RPS5: variants seen among roughly 807,000 people sequenced by gnomAD.
RPS5 encodes small ribosomal subunit protein uS7.
RPS5 carries 2 observed loss-of-function variants against 20.9 expected under a neutral mutation model. The observed-to-expected ratio is 0.10, with a 90% CI of 0.04 to 0.30. RPS5 has a LOEUF of 0.30. RPS5 is among the 10% of genes least tolerant of loss of function. The pLI is 1.00. For synonymous variants in RPS5, 112 were observed against 105.8 expected (o/e 1.06, Z -0.36); for missense variants, 122 against 287.2 (o/e 0.42, Z 4.16).
chr19:58,394,466 C>A, intron 4 of RPS5, 31 bp from the exon 5 acceptor site: 1 of 1,601,170 alleles, frequency 6.2e-7, no homozygotes, highest in South Asian at 1.1e-5. Context: ...CGCAGTCTGT[C>A]CTTCTAGCCT....
intron 4 of RPS5, 175 bp from the exon 5 acceptor site, chr19:58,394,322 T>A: frequency 3.3e-6 from 2 of 611,850 alleles, no homozygotes; most frequent in Non-Finnish European, 5.9e-6. Flanking sequence ...TGTGTGTGTC[T>A]GGACACTTGC....
Position 58,392,677 on chromosome 19 carries a change from A to G in RPS5, c.109-299A>G, listed in dbSNP as rs944174765. ...ATACCAGATGGCTGTTAAACATCCT[A>G]TAGTGTGCAGGACAGCCCCCCAGAC... On this transcript the variant is annotated intron_variant, in intron 2 of 5. Transcript: ENST00000196551. 5.9e-5 allele frequency among the ~76,000 whole-genome samples: 9 copies of G among 151,804 alleles called. No individual in the cohort carries two copies. In the East Asian group the frequency reaches 1.5e-3, roughly 26 times the overall value.
chr19:58,388,538 A>C (rs559621181), intron 2 of RPS5: 70 of 492,306 alleles, frequency 1.4e-4, no homozygotes, highest in African/African-American at 8.7e-4. Context: ...ATTCTTTTGC[A>C]TGTGAATATC....
At chr19:58,390,322 A>G (rs1026186766) in intron 2 of RPS5, among the ~76,000 whole-genome samples, 2 of 148,466 alleles carry the variant, frequency 1.3e-5, no homozygotes, top group Non-Finnish European at 3.0e-5. Context: ...AGCCTCCCGA[A>G]GTGCTGGGGT....
chr19:58,391,989 C>T (rs1328033634), intron 2 of RPS5, among the ~76,000 whole-genome samples: 1 of 152,088 alleles, frequency 6.6e-6, no homozygotes, highest in Non-Finnish European at 1.5e-5. Flanking sequence ...TCTTAGAGAA[C>T]ACTTAGCAAT....
intron 4 of RPS5, chr19:58,393,815 C>CT: frequency 3.7e-6 from 1 of 270,114 alleles, no homozygotes; most frequent in Non-Finnish European, 6.9e-6. Flanking sequence ...CTGCAGGTGT[C>CT]TTTAAAAACA....
At chr19:58,388,568 C>G (rs1426351093) in intron 2 of RPS5, 3 of 422,104 alleles carry the variant, frequency 7.1e-6, no homozygotes, top group African/African-American at 2.1e-5. Context: ...AGTACCATCT[C>G]CTAAAGAGAT....
intron 2 of RPS5, among the ~76,000 whole-genome samples, chr19:58,389,659 G>A (rs749443601): frequency 4.6e-5 from 7 of 151,268 alleles, no homozygotes; most frequent in East Asian, 3.9e-4. Flanking sequence ...TTTTTGAAAC[G>A]GAGTTTCGCT....
chr19:58,393,298 A>C, intron 3 of RPS5, 61 bp from the exon 4 acceptor site: 3 of 1,608,368 alleles, frequency 1.9e-6, no homozygotes, highest in Non-Finnish European at 2.6e-6. Context: ...TGTTTTAGGT[A>C]TGAGGAAAGG....
In RPS5 at chr19:58,393,506, C is replaced by T; in HGVS notation, c.447+19C>T. On this transcript the variant is annotated intron_variant, in intron 4 of 5. Coordinates refer to ENST00000196551, the MANE Select transcript of RPS5 (RefSeq NM_001009.4). ...GAACCAGGTGAGCCTGGGGCTTATGCACGTGGCAGGGTGGACACAGCCACG... is the reference window on the plus strand; with the variant it reads ...GAACCAGGTGAGCCTGGGGCTTATGTACGTGGCAGGGTGGACACAGCCACG... 1.9e-6 allele frequency: 3 copies of T among 1,601,562 alleles called. No individual in the cohort carries two copies. Among genetic ancestry groups the T allele is most frequent in the Non-Finnish European group, 2.6e-6 (3 of 1,175,362 alleles).
At chr19:58,387,888 G>A (rs1379958026) in intron 1 of RPS5, 1 of 538,564 alleles carries the variant, frequency 1.9e-6, no homozygotes, top group South Asian at 2.1e-5. Flanking sequence ...CTTGGTCCCA[G>A]TGCAGCAGCT....
At chr19:58,391,775 A>T (rs1354861819) in intron 2 of RPS5, among the ~76,000 whole-genome samples, 2 of 151,166 alleles carry the variant, frequency 1.3e-5, no homozygotes, top group African/African-American at 4.9e-5. Flanking sequence ...AAAATACAAA[A>T]ATTAGCCTGG....
intron 2 of RPS5, chr19:58,388,542 G>A (rs1176721852): frequency 2.1e-6 from 1 of 479,732 alleles, no homozygotes; most frequent in Non-Finnish European, 3.7e-6. Context: ...TTTTGCATGT[G>A]AATATCCAGT....
In RPS5 at chr19:58,388,636, G is replaced by GTTTTTT. The variant is rs3048304; in HGVS notation, c.108+410_108+415dup. The stretch of plus-strand genomic sequence containing the variant: ...ACTTGTCATAAATCAGCTGGCCGTA[G>GTTTTTT]TTTTTTTTTTTTTTTTTTTTTTTTG... On this transcript the variant is annotated intron_variant, in intron 2 of 5. Coordinates refer to ENST00000196551, the MANE Select transcript of RPS5 (RefSeq NM_001009.4). The GTTTTTT allele has an allele frequency of 5.4e-4, 113 of 209,712 alleles. 1 individual carries two copies. Among genetic ancestry groups the GTTTTTT allele is most frequent in the Admixed American group, 8.1e-4 (11 of 13,606 alleles). 13.0% of individuals were successfully genotyped at this position (209,712 alleles called of 1,614,324 possible).
In RPS5 at chr19:58,387,291, G is replaced by C. The variant is rs1046025181; in HGVS notation, c.-50G>C. ...GGCCTCTTCCTGTCTGTACCAGGGC[G>C]GCGCGTGGTCTACGCCGAGTGACAG... On this transcript the variant is annotated 5_prime_UTR_variant, in exon 1 of 6. Coordinates refer to ENST00000196551, the MANE Select transcript of RPS5 (RefSeq NM_001009.4). 2.6e-5 allele frequency: 4 copies of C among 152,288 alleles called. No homozygotes were observed. The highest frequency in any genetic ancestry group is 9.6e-5 in the African/African-American group (4 of 41,474). The allele number at this position is 152,288 out of a possible 1,614,324, so 9.4% of individuals were successfully genotyped here. A position where few individuals can be genotyped will look rare whatever the true frequency, so the allele number is the denominator to read the frequency against.
chr19:58,388,206 G>T lies in RPS5; in HGVS notation c.69G>T (p.Trp23Cys). The change falls in exon 2 of 6, where the codon TGG (tryptophan) becomes TGT (cysteine). Residue 23 changes from tryptophan (W) to cysteine (C), a missense_variant. This residue lies in a region of RPS5 where 22 missense variants were observed against 38.0 expected (regional missense o/e 0.58). Transcript: ENST00000196551. ...ETPDIKLFGK[W>C]STDDVQINDI... is the part of the protein sequence containing the mutation. ...CAGACATCAAGCTCTTTGGGAAGTG[G>T]AGCACCGATGATGTGCAGATCAATG... is the stretch of plus-strand genomic sequence containing the variant. 6.2e-7 allele frequency: 1 copy of T among 1,613,072 alleles called. No homozygotes were observed. Among genetic ancestry groups the T allele is most frequent in the Non-Finnish European group, 8.5e-7 (1 of 1,179,740 alleles).
rs756041099 is a variant in RPS5 at position 58,393,059 on chromosome 19, T to C, written c.192T>C (p.Ala64=). 6.2e-7 allele frequency: 1 copy of C among 1,614,166 alleles called. No individual in the cohort carries two copies. Among genetic ancestry groups the C allele is most frequent in the Non-Finnish European group, 8.5e-7 (1 of 1,180,022 alleles). ...ATGCCGCCAAACGCTTCCGCAAAGC[T>C]CAGTGTCCCATTGTGGAGCGCCTCA... ...GRYAAKRFRK[A]QCPIVERLTN... Residue 64 remains alanine, a synonymous_variant, in exon 3 of 6, where the codon GCT becomes GCC. Transcript: ENST00000196551.
intron 4 of RPS5, 81 bp downstream of exon 4, chr19:58,393,568 C>T: frequency 1.3e-6 from 2 of 1,522,974 alleles, no homozygotes; most frequent in South Asian, 1.2e-5. Flanking sequence ...AGGAAGGCTC[C>T]TCTCTGTCTG....
At chr19:58,389,934 G>A (rs1307230782) in intron 2 of RPS5, among the ~76,000 whole-genome samples, 5 of 151,972 alleles carry the variant, frequency 3.3e-5, no homozygotes, top group Non-Finnish European at 7.4e-5. Context: ...CGTTCTTGTC[G>A]CCCAGTCTGG....
Sources: allele counts gnomAD v4.1 joint callset (sites outside exome capture counted in the v4.1 genomes callset), GRCh38; gene constraint gnomAD v4.1.1; regional missense constraint gnomAD v4.1.1; transcripts MANE v1.5; gene names NCBI Gene and HGNC (gene_info 2026-07-23, HGNC 2026-07-21).